Variants in BRIP1 observed in about 807,000 individuals in gnomAD.
The protein encoded by BRIP1 is BRCA1 interacting DNA helicase 1.
Under a neutral mutation model 119.7 loss-of-function variants are expected in BRIP1, and 88 were observed. The ratio of observed to expected loss-of-function variants is 0.74; its 90% CI spans 0.62 to 0.88. BRIP1 has a LOEUF of 0.88. Ranked by LOEUF, BRIP1 falls within the 40% of genes least tolerant of loss-of-function variation. BRIP1 has a pLI of 0.00. For missense variants in BRIP1, 1,259 were observed against 1,455.4 expected (o/e 0.87, Z 2.20); for synonymous variants, 443 against 496.5 (o/e 0.89, Z 1.43).
chr17:61,757,739 C>T lies in BRIP1; in HGVS notation c.2098-13148G>A, dbSNP rs2077219266. 6.6e-6 allele frequency among the ~76,000 whole-genome samples: 1 copy of T among 152,112 alleles called. No homozygotes were observed. The highest frequency in any genetic ancestry group is 2.4e-5 in the African/African-American group (1 of 41,424). On this transcript the variant is annotated intron_variant, in intron 14 of 19. Coordinates refer to ENST00000259008, the MANE Select transcript of BRIP1 (RefSeq NM_032043.3). This position sits in a 1 kb window ranked among gnomAD's most constrained non-coding sequence, Gnocchi z 4.3. ...TAAAAGCCAGACGCGGTGGCTCACA[C>T]CTGTAATCCCAGCACTTTGGGAGGC...
rs148232408 is a variant in BRIP1 at position 61,685,910 on chromosome 17, T to C, written c.2831A>G (p.Gln944Arg). Residue 944 changes from glutamine to arginine, a missense_variant, in exon 19 of 20, where the codon CAG (glutamine) becomes CGG (arginine). By Grantham distance (43) the Gln-to-Arg change is conservative. Around this residue, in one of 3 missense-constraint regions of BRIP1, gnomAD observed 753 missense variants for 891.8 expected, o/e 0.84. Coordinates refer to ENST00000259008, the MANE Select transcript of BRIP1 (RefSeq NM_032043.3). ...FVEDEAKICV[Q>R]ELQCPKIITK... ...AATAATTTTAGGACACTGTAGTTCC[T>C]GGACACATATCTTTGCTTCATCTTC... is the stretch of plus-strand genomic sequence containing the variant. 3.1e-6 allele frequency: 5 copies of C among 1,614,124 alleles called. No homozygotes were observed. The highest frequency in any genetic ancestry group is 4.2e-6 in the Non-Finnish European group (5 of 1,179,960).
chr17:61,791,530 T>TCATCTCC (rs1244338823), intron 10 of BRIP1, among the ~76,000 whole-genome samples: 1 of 150,312 alleles, frequency 6.7e-6, no homozygotes, highest in African/African-American at 2.5e-5. Context: ...TTTTCCATTG[T>TCATCTCC]CATCTCCCAA....
chr17:61,799,752 A>T lies in BRIP1; in HGVS notation c.1141-453T>A, dbSNP rs1414820756. Reference sequence around the variant, plus strand: ...AGCATAAAACCTTTAAAAGTAAAATAACAATACAAGATTAAAATGACTCTT... The same window carrying T: ...AGCATAAAACCTTTAAAAGTAAAATTACAATACAAGATTAAAATGACTCTT... On this transcript the variant is annotated intron_variant, in intron 8 of 19. Transcript: ENST00000259008. The surrounding 1 kb of genome is among the most constrained non-coding windows in gnomAD (Gnocchi z 5.1). Among the ~76,000 whole-genome samples, 1 of 152,196 alleles carries T rather than the reference A, an allele frequency of 6.6e-6. No homozygotes were observed. Among genetic ancestry groups the T allele is most frequent in the Non-Finnish European group, 1.5e-5 (1 of 68,028 alleles).
intron 16 of BRIP1, among the ~76,000 whole-genome samples, chr17:61,719,062 C>T (rs2061929106): frequency 6.6e-6 from 1 of 151,902 alleles, no homozygotes; most frequent in Non-Finnish European, 1.5e-5. Context: ...GGTGAATCCA[C>T]AGATGCAGAA....
rs28715030 is a variant in BRIP1, at chr17:61,722,049, T to C, written c.2380-5986A>G. On this transcript the variant is annotated intron_variant, in intron 16 of 19. Transcript: ENST00000259008. This position sits in a 1 kb window ranked among gnomAD's most constrained non-coding sequence, Gnocchi z 4.6. ...TAGCCAACTTTGCTTTTTTTTTTTT[T>C]CTTTTTTTTTGAGACGGAGTCTTGC... 3.8e-4 allele frequency among the ~76,000 whole-genome samples: 50 copies of C among 130,052 alleles called. No homozygotes were observed. Among genetic ancestry groups the C allele is most frequent in the African/African-American group, 9.4e-4 (34 of 36,016 alleles). The allele number at this position is 130,052 out of a possible 152,430, so 85.3% of individuals were successfully genotyped here. A position where few individuals can be genotyped will look rare whatever the true frequency, so the allele number is the denominator to read the frequency against.
At position 61,680,769 on chromosome 17, in the gene BRIP1, G is replaced by A. The variant is rs1460643468; in HGVS notation, c.*2527C>T. Among the ~76,000 whole-genome samples the A allele has an allele frequency of 1.3e-5, 2 of 152,066 alleles. No homozygotes were observed. The highest frequency in any genetic ancestry group is 4.8e-5 in the African/African-American group (2 of 41,420). ...GCTGGGATTACAGGCGTGAGCCACC[G>A]CGCCTGGCCCTAAAGGTAATTTTAA... is the stretch of plus-strand genomic sequence containing the variant. On this transcript the variant is annotated 3_prime_UTR_variant, in exon 20 of 20. Transcript: ENST00000259008.
rs1482323277 is a variant in BRIP1, at chr17:61,804,002, A to G, written c.919-2528T>C. ...GCTCTCTATGTTAAGTGAGAAAAAC[A>G]TGTTGAATAACGTGTATAGAATGAT... is the stretch of plus-strand genomic sequence containing the variant. On this transcript the variant is annotated intron_variant, in intron 7 of 19. Transcript: ENST00000259008. The surrounding 1 kb of genome is among the most constrained non-coding windows in gnomAD (Gnocchi z 4.5). Among the ~76,000 whole-genome samples the G allele has an allele frequency of 6.6e-6, 1 of 152,222 alleles. No individual in the cohort carries two copies. The highest frequency in any genetic ancestry group is 1.5e-5 in the Non-Finnish European group (1 of 68,026).
rs985465808 is a variant in BRIP1, at chr17:61,784,332, T to C, written c.1566A>G (p.Ser522=). 3.7e-6 allele frequency: 6 copies of C among 1,613,216 alleles called. No homozygotes were observed. Among genetic ancestry groups the C allele is most frequent in the Admixed American group, 1.7e-5 (1 of 60,022 alleles). Residue 522 remains serine, a synonymous_variant, in exon 11 of 20, where the codon TCA becomes TCG. Transcript: ENST00000259008. ...AAAGTCCTTTAAGCATTATTTGAGT[T>C]GATGCACTAATAACAGGTACTTCTC... is the stretch of plus-strand genomic sequence containing the variant. ...EAREVPVISA[S]TQIMLKGLFM... is the part of the protein sequence containing the mutation.
Position 61,754,540 on chromosome 17 carries a change from C to T in BRIP1, c.2098-9949G>A, listed in dbSNP as rs1335398071. On this transcript the variant is annotated intron_variant, in intron 14 of 19. Coordinates refer to ENST00000259008, the MANE Select transcript of BRIP1 (RefSeq NM_032043.3). This position sits in a 1 kb window ranked among gnomAD's most constrained non-coding sequence, Gnocchi z 4.1. ...TTTTCTACATAGCACTTATCACCAT[C>T]TGTATTAGTCCCCTCAGGCTACCAC... 6.6e-6 allele frequency among the ~76,000 whole-genome samples: 1 copy of T among 152,156 alleles called. No individual in the cohort carries two copies. Among genetic ancestry groups the T allele is most frequent in the African/African-American group, 2.4e-5 (1 of 41,428 alleles).
In BRIP1 at chr17:61,701,108, T is replaced by C. The variant is rs1488951698; in HGVS notation, c.2493-7596A>G. On this transcript the variant is annotated intron_variant, in intron 17 of 19. Transcript: ENST00000259008. The surrounding 1 kb of genome is among the most constrained non-coding windows in gnomAD (Gnocchi z 5.1). ...AGTTATTGAATGTATTTGAACTAGC[T>C]TTCTCTCCTAAGGCATAGCTTTGTC... 6.6e-6 allele frequency among the ~76,000 whole-genome samples: 1 copy of C among 152,186 alleles called. No individual in the cohort carries two copies. The highest frequency in any genetic ancestry group is 1.5e-5 in the Non-Finnish European group (1 of 68,030).
At chr17:61,821,985 A>G (rs1450023422) in intron 6 of BRIP1, among the ~76,000 whole-genome samples, 1 of 152,222 alleles carries the variant, frequency 6.6e-6, no homozygotes, top group African/African-American at 2.4e-5. Flanking sequence ...CTAAAACTGC[A>G]CATGAAAACA....
chr17:61,855,578 C>CAA (rs200850712), intron 4 of BRIP1, among the ~76,000 whole-genome samples: 5 of 99,350 alleles, frequency 5.0e-5, no homozygotes, highest in Non-Finnish European at 8.5e-5. Context: ...GATTCTGTCT[C>CAA]AAAAAAAAAA....
At chr17:61,813,078 AAAG>A (rs1266294152) in intron 6 of BRIP1, among the ~76,000 whole-genome samples, 2 of 152,262 alleles carry the variant, frequency 1.3e-5, no homozygotes, top group East Asian at 1.9e-4. Context: ...TTTCATTGCC[AAAG>A]AAGAAGTTCC....
Position 61,682,655 on chromosome 17 carries a change from T to C in BRIP1, c.*641A>G. 1 of 196,854 alleles carries C rather than the reference T, an allele frequency of 5.1e-6. No individual in the cohort carries two copies. The highest frequency in any genetic ancestry group is 1.1e-5 in the Non-Finnish European group (1 of 94,930). 12.2% of individuals were successfully genotyped at this position (196,854 alleles called of 1,614,324 possible). ...TCTATAGCGAAATATGACTGAGGTGTCACTAGATTAGACTGCTGTTAATTT... is the reference window on the plus strand; with the variant it reads ...TCTATAGCGAAATATGACTGAGGTGCCACTAGATTAGACTGCTGTTAATTT... On this transcript the variant is annotated 3_prime_UTR_variant, in exon 20 of 20. Transcript: ENST00000259008. This position sits in a 1 kb window ranked among gnomAD's most constrained non-coding sequence, Gnocchi z 4.9.
In BRIP1 at chr17:61,725,235, T is replaced by A. The variant is rs2076750653; in HGVS notation, c.2380-9172A>T. Among the ~76,000 whole-genome samples the A allele has an allele frequency of 6.6e-6, 1 of 152,174 alleles. No individual in the cohort carries two copies. Among genetic ancestry groups the A allele is most frequent in the Non-Finnish European group, 1.5e-5 (1 of 68,016 alleles). On this transcript the variant is annotated intron_variant, in intron 16 of 19. Coordinates refer to ENST00000259008, the MANE Select transcript of BRIP1 (RefSeq NM_032043.3). This position sits in a 1 kb window ranked among gnomAD's most constrained non-coding sequence, Gnocchi z 5.3. ...CCCTTTTAAATAAGAATAATAATGATAAAAGCACATTAGAAATGGTTTTTA... is the reference window on the plus strand; with the variant it reads ...CCCTTTTAAATAAGAATAATAATGAAAAAAGCACATTAGAAATGGTTTTTA...
intron 17 of BRIP1, 69 bp downstream of exon 17, chr17:61,715,882 G>A (rs544406222): frequency 3.9e-6 from 4 of 1,028,610 alleles, no homozygotes; most frequent in Admixed American, 2.2e-5. Context: ...AAAGAGTAAA[G>A]TAGCAAGACT....
Position 61,847,221 on chromosome 17 carries a change from C to T in BRIP1, c.508-1G>A. 6.2e-7 allele frequency: 1 copy of T among 1,613,780 alleles called. No homozygotes were observed. Among genetic ancestry groups the T allele is most frequent in the East Asian group, 2.2e-5 (1 of 44,822 alleles). On this transcript the variant is annotated splice_acceptor_variant, in intron 5 of 19. Coordinates refer to ENST00000259008, the MANE Select transcript of BRIP1 (RefSeq NM_032043.3). LOFTEE classifies it high-confidence loss of function. ...TTCCAAAGCAATGACGTTTTCTAATCTGTAAACACAGAACCAAAATGAAGT... is the reference window on the plus strand; with the variant it reads ...TTCCAAAGCAATGACGTTTTCTAATTTGTAAACACAGAACCAAAATGAAGT...
rs1567774188 is a variant in BRIP1 at position 61,736,671 on chromosome 17, A to G, written c.2379+6342T>C. 6.6e-6 allele frequency among the ~76,000 whole-genome samples: 1 copy of G among 152,188 alleles called. No individual in the cohort carries two copies. ...GTCAAATACAATTTTAACAACTTCT[A>G]CTAAAACCCCATTCAATCATTAACT... On this transcript the variant is annotated intron_variant, in intron 16 of 19. Transcript: ENST00000259008. This position sits in a 1 kb window ranked among gnomAD's most constrained non-coding sequence, Gnocchi z 4.4.
intron 6 of BRIP1, among the ~76,000 whole-genome samples, chr17:61,819,801 A>G (rs2078293774): frequency 6.6e-6 from 1 of 152,168 alleles, no homozygotes. Context: ...AAGAATAAAT[A>G]AGACTTAGTA....
Sources: gnomAD v4.1 joint callset for allele counts (sites outside exome capture counted in the v4.1 genomes callset) on GRCh38, gnomAD v4.1.1 for gene constraint, gnomAD v4.1.1 regional missense constraint, Gnocchi (gnomAD v3.1) non-coding constraint, MANE v1.5 for transcripts, NCBI Gene and HGNC (gene_info 2026-07-23, HGNC 2026-07-21) for gene names.